The following ELL2 variants were observed in gnomAD, a reference collection of about 807,000 sequenced individuals.
ELL2 encodes the protein RNA polymerase II elongation factor ELL2.
In ELL2, 21 loss-of-function variants were observed where a neutral mutation model predicts 72.8. That is an observed-to-expected ratio of 0.29 (90% CI 0.20 to 0.42). The LOEUF (loss-of-function observed/expected upper bound fraction) is 0.42, where lower values mean the gene tolerates loss of function less well. Among genes scored for constraint, ELL2 ranks in the 10% least tolerant of loss-of-function variants. The pLI is 1.00. For synonymous variants in ELL2, 266 were observed against 283.2 expected (o/e 0.94, Z 0.61); for missense variants, 568 against 772.8 (o/e 0.73, Z 3.14).
chr5:95,896,927 G>A (rs1274687223), intron 8 of ELL2, among the ~76,000 whole-genome samples: 1 of 152,224 alleles, frequency 6.6e-6, no homozygotes, highest in Non-Finnish European at 1.5e-5. Flanking sequence ...GGAAAGTGTG[G>A]AGAGTGGAGT....
intron 2 of ELL2, among the ~76,000 whole-genome samples, chr5:95,935,928 C>A (rs1359479959): frequency 6.6e-6 from 1 of 152,116 alleles, no homozygotes; most frequent in Non-Finnish European, 1.5e-5. Context: ...CCACATGACT[C>A]CCTGGCTAAA....
At chr5:95,910,706 C>T (rs1438857827) in intron 4 of ELL2, among the ~76,000 whole-genome samples, 1 of 152,166 alleles carries the variant, frequency 6.6e-6, no homozygotes, top group African/African-American at 2.4e-5. Context: ...CAGCCGTCAT[C>T]ACGCTACCAC....
chr5:95,898,881 T>A (rs1749001118), intron 7 of ELL2, 71 bp from the exon 8 acceptor site: 2 of 1,162,482 alleles, frequency 1.7e-6, no homozygotes, highest in South Asian at 2.3e-5. Context: ...CATGCATGGC[T>A]GGTTAAACAA....
intron 3 of ELL2, among the ~76,000 whole-genome samples, chr5:95,919,206 A>G (rs1749950890): frequency 6.6e-6 from 1 of 152,206 alleles, no homozygotes; most frequent in African/African-American, 2.4e-5. Context: ...AAGCCCCATT[A>G]GACCAAAAAT....
intron 10 of ELL2, among the ~76,000 whole-genome samples, chr5:95,890,619 G>A (rs911213387): frequency 6.6e-6 from 1 of 152,230 alleles, no homozygotes; most frequent in African/African-American, 2.4e-5. Context: ...TTTGTAGCTA[G>A]AAGCAGCAAA....
intron 2 of ELL2, among the ~76,000 whole-genome samples, chr5:95,938,444 C>T (rs1190404906): frequency 6.6e-6 from 1 of 152,152 alleles, no homozygotes; most frequent in African/African-American, 2.4e-5. Context: ...AAAAATTAGG[C>T]CCGGTATGGT....
chr5:95,924,257 AT>A (rs1195828651), intron 2 of ELL2, among the ~76,000 whole-genome samples: 1 of 152,234 alleles, frequency 6.6e-6, no homozygotes, highest in Non-Finnish European at 1.5e-5. Context: ...CAAAATGGTT[AT>A]AAAGCATTTT....
At position 95,895,618 on chromosome 5, in the gene ELL2, A is replaced by G. The variant is rs1384403940; in HGVS notation, c.1589+10T>C. 6.2e-7 allele frequency: 1 copy of G among 1,612,672 alleles called. No homozygotes were observed. Among genetic ancestry groups the G allele is most frequent in the African/African-American group, 1.3e-5 (1 of 75,030 alleles). ...AGCCGCTCTCTCCATTGGCAGACATATGAACTTACATCAAATAATCTGGGA... is the reference window on the plus strand; with the variant it reads ...AGCCGCTCTCTCCATTGGCAGACATGTGAACTTACATCAAATAATCTGGGA... On this transcript the variant is annotated intron_variant, in intron 9 of 11. Coordinates refer to ENST00000237853, the MANE Select transcript of ELL2 (RefSeq NM_012081.6).
chr5:95,952,788 T>C (rs1344990567), intron 1 of ELL2, among the ~76,000 whole-genome samples: 1 of 152,182 alleles, frequency 6.6e-6, no homozygotes, highest in Admixed American at 6.5e-5. Flanking sequence ...CATTAATGTA[T>C]AGATGACATT....
chr5:95,949,474 T>C (rs1751293282), intron 1 of ELL2, among the ~76,000 whole-genome samples: 1 of 152,090 alleles, frequency 6.6e-6, no homozygotes, highest in Non-Finnish European at 1.5e-5. Context: ...ATTATAGAGA[T>C]CTTTCCAACT....
At chr5:95,930,284 T>C (rs1034195068) in intron 2 of ELL2, among the ~76,000 whole-genome samples, 3 of 152,216 alleles carry the variant, frequency 2.0e-5, no homozygotes, top group Admixed American at 6.5e-5. Flanking sequence ...TTTTGCATTA[T>C]GCCAGGAAGA....
In ELL2 at chr5:95,888,599, T is replaced by C. The variant is rs577802930; in HGVS notation, c.*272A>G. ...AAGTTTTTGAGGAAAAAAAACTGAT[T>C]TGAAATATAGACAATGGATCCCCAA... On this transcript the variant is annotated 3_prime_UTR_variant, in exon 12 of 12. Coordinates refer to ENST00000237853, the MANE Select transcript of ELL2 (RefSeq NM_012081.6). 2.5e-5 allele frequency: 6 copies of C among 239,976 alleles called. No individual in the cohort carries two copies. The East Asian group carries it at 3.3e-4, about 13-fold the overall frequency. The allele number at this position is 239,976 out of a possible 1,614,324, so 14.9% of individuals were successfully genotyped here. A position where few individuals can be genotyped will look rare whatever the true frequency, so the allele number is the denominator to read the frequency against.
chr5:95,890,761 A>T (rs1035449345), intron 10 of ELL2, among the ~76,000 whole-genome samples: 1 of 152,248 alleles, frequency 6.6e-6, no homozygotes, highest in African/African-American at 2.4e-5. Context: ...GGATAGCACC[A>T]GACCTATGAG....
In ELL2 at chr5:95,961,704, T is replaced by C. The variant is rs757795623; in HGVS notation, c.18A>G (p.Thr6=). The change falls in exon 1 of 12, where the codon ACA becomes ACG. Residue 6 remains threonine, a synonymous_variant. Transcript: ENST00000237853. The part of the protein sequence containing the change: MAAGG[T]GGLREEQRYG... ...AGCGCTGCTCCTCCCGCAGGCCCCCTGTCCCCCCCGCCGCCATCTTAAACT... is the reference window on the plus strand; with the variant it reads ...AGCGCTGCTCCTCCCGCAGGCCCCCCGTCCCCCCCGCCGCCATCTTAAACT... The C allele has an allele frequency of 1.2e-6, 2 of 1,605,254 alleles. No individual in the cohort carries two copies. The highest frequency in any genetic ancestry group is 1.7e-5 in the Admixed American group (1 of 59,356).
intron 7 of ELL2, 79 bp from the exon 8 acceptor site, chr5:95,898,889 C>A: frequency 9.4e-7 from 1 of 1,065,772 alleles, no homozygotes; most frequent in Non-Finnish European, 1.3e-6. Flanking sequence ...GCTGGTTAAA[C>A]AACTAAGTAA....
intron 4 of ELL2, among the ~76,000 whole-genome samples, chr5:95,912,040 T>C (rs1359662653): frequency 6.6e-6 from 1 of 152,240 alleles, no homozygotes; most frequent in East Asian, 1.9e-4. Flanking sequence ...TCAAATTTCC[T>C]GTGGTCACCT....
intron 1 of ELL2, among the ~76,000 whole-genome samples, chr5:95,952,635 G>A (rs1751459966): frequency 6.6e-6 from 1 of 152,120 alleles, no homozygotes; most frequent in Non-Finnish European, 1.5e-5. Flanking sequence ...CCATACCCTT[G>A]AGAAAAACTC....
chr5:95,889,174 T>G (rs763414952), intron 10 of ELL2, 44 bp from the exon 11 acceptor site: 1 of 1,462,608 alleles, frequency 6.8e-7, no homozygotes, highest in South Asian at 1.2e-5. Flanking sequence ...CAACTTCTTT[T>G]GTGTGTGGCA....
chr5:95,951,002 T>C (rs1751375295), intron 1 of ELL2, among the ~76,000 whole-genome samples: 1 of 146,508 alleles, frequency 6.8e-6, no homozygotes, highest in South Asian at 2.2e-4. Context: ...TTCAAATAGC[T>C]CTTGAACATG....
Sources: gnomAD v4.1 joint callset for allele counts (sites outside exome capture counted in the v4.1 genomes callset) on GRCh38, gnomAD v4.1.1 for gene constraint, MANE v1.5 for transcripts, NCBI Gene and HGNC (gene_info 2026-07-23, HGNC 2026-07-21) for gene names.